The following PKD2L2 variants were observed in gnomAD, a reference collection of about 807,000 sequenced individuals.
The protein encoded by PKD2L2 is polycystin 2 like 2, transient receptor potential cation channel, also known as polycystin-2-like protein 2.
A neutral mutation model predicts 83.9 loss-of-function variants in PKD2L2; 67 were observed. The ratio of observed to expected loss-of-function variants is 0.80; its 90% CI spans 0.66 to 0.98. The LOEUF is 0.98. PKD2L2 is among the 50% of genes least tolerant of loss of function. PKD2L2 has a pLI of 0.00. For synonymous variants in PKD2L2, 223 were observed against 237.8 expected, an observed-to-expected ratio of 0.94 and a Z score of 0.57; for missense variants, 632 against 717.2, an observed-to-expected ratio of 0.88 and a Z score of 1.36.
In PKD2L2 at chr5:137,901,131, T is replaced by C. The variant is rs1473611306; in HGVS notation, c.746+1394T>C. Among the ~76,000 whole-genome samples the C allele has an allele frequency of 4.1e-5, 6 of 145,184 alleles. No homozygotes were observed. In the East Asian group the frequency reaches 1.2e-3, roughly 29 times the overall value. On this transcript the variant is annotated intron_variant, in intron 5 of 14. Coordinates refer to ENST00000508883, the MANE Select transcript of PKD2L2 (RefSeq NM_001300921.2). ...AGCCTGGACAACAAGAGCAAAACTG[T>C]GTCTCAAAAAAAAAAAAAGAAAGAA...
intron 4 of PKD2L2, 30 bp downstream of exon 4, chr5:137,894,639 T>C: frequency 6.5e-7 from 1 of 1,544,302 alleles, no homozygotes; most frequent in Non-Finnish European, 8.9e-7. Flanking sequence ...ACTGTAACTT[T>C]TTCTAGCATT....
intron 12 of PKD2L2, among the ~76,000 whole-genome samples, chr5:137,926,707 C>T (rs1477898126): frequency 6.6e-6 from 1 of 152,166 alleles, no homozygotes; most frequent in Non-Finnish European, 1.5e-5. Flanking sequence ...CCTTCGAGGT[C>T]TCGCTAATTC....
chr5:137,908,713 G>C (rs1757563206), intron 7 of PKD2L2, 52 bp from the exon 8 acceptor site: 1 of 839,204 alleles, frequency 1.2e-6, no homozygotes, highest in African/African-American at 1.8e-5. Context: ...TTTATTCTAA[G>C]TAATTTCATC....
At chr5:137,893,514 G>T (rs1756175454) in intron 3 of PKD2L2, among the ~76,000 whole-genome samples, 1 of 152,180 alleles carries the variant, frequency 6.6e-6, no homozygotes, top group Non-Finnish European at 1.5e-5. Context: ...CGCTTCCAGT[G>T]GTGATGACAA....
chr5:137,935,953 T>A (rs748324728), intron 13 of PKD2L2, 44 bp downstream of exon 13: 3 of 1,063,604 alleles, frequency 2.8e-6, no homozygotes, highest in Middle Eastern at 4.1e-4. Context: ...TATCATGACA[T>A]GCGCATTAAG....
chr5:137,917,500 A>C (rs556877366), intron 8 of PKD2L2, among the ~76,000 whole-genome samples: 6 of 152,192 alleles, frequency 3.9e-5, no homozygotes, highest in African/African-American at 1.4e-4. Flanking sequence ...AGACTCAATA[A>C]TGTCAATTAT....
intron 12 of PKD2L2, among the ~76,000 whole-genome samples, chr5:137,933,099 A>G (rs1760018616): frequency 6.6e-6 from 1 of 151,988 alleles, no homozygotes; most frequent in African/African-American, 2.4e-5. Context: ...TCCTGCAAAT[A>G]CTGGCAGAAT....
intron 12 of PKD2L2, among the ~76,000 whole-genome samples, chr5:137,926,535 T>C (rs116015187): frequency 0.011 from 1,729 of 152,280 alleles, 26 homozygotes; most frequent in African/African-American, 0.04. Context: ...AGGTGAACTT[T>C]GTGGTGCTGG....
chr5:137,936,555 A>G (rs1760431915), intron 14 of PKD2L2, 128 bp downstream of exon 14: 1 of 617,348 alleles, frequency 1.6e-6, no homozygotes, highest in Admixed American at 3.0e-5. Flanking sequence ...TCCCGGGTTC[A>G]AGCGATTCTC....
At chr5:137,922,451 T>C (rs1394988821) in intron 9 of PKD2L2, among the ~76,000 whole-genome samples, 1 of 152,106 alleles carries the variant, frequency 6.6e-6, no homozygotes, top group Non-Finnish European at 1.5e-5. Flanking sequence ...ACAACAAACA[T>C]CCTTGGCTGG....
chr5:137,897,044 ATT>A (rs1164377015), intron 4 of PKD2L2, among the ~76,000 whole-genome samples: 1 of 140,858 alleles, frequency 7.1e-6, no homozygotes, highest in Non-Finnish European at 1.5e-5. Flanking sequence ...TATTATTATT[ATT>A]ATTATTATTA....
chr5:137,937,862 G>A (rs545563391), intron 14 of PKD2L2: 1 of 151,688 alleles, frequency 6.6e-6, no homozygotes, highest in Non-Finnish European at 1.5e-5. Flanking sequence ...ATCGCCCCTG[G>A]GTGGGATCAT....
intron 3 of PKD2L2, among the ~76,000 whole-genome samples, chr5:137,893,207 G>C (rs1387063448): frequency 6.6e-6 from 1 of 151,942 alleles, no homozygotes; most frequent in African/African-American, 2.4e-5. Flanking sequence ...TTCTTTAATT[G>C]CCCAGAAAGT....
At chr5:137,915,390 TAATTTTA>T (rs1180722658) in intron 8 of PKD2L2, among the ~76,000 whole-genome samples, 5 of 150,626 alleles carry the variant, frequency 3.3e-5, no homozygotes, top group Admixed American at 1.3e-4. Flanking sequence ...GGGAGGTTTT[TAATTTTA>T]AATTTTAATT....
intron 6 of PKD2L2, among the ~76,000 whole-genome samples, chr5:137,907,100 A>T (rs1267184559): frequency 6.6e-6 from 1 of 152,210 alleles, no homozygotes. Flanking sequence ...TTGGCCCTTA[A>T]TTATAGCCAA....
chr5:137,899,651 GA>G lies in PKD2L2; in HGVS notation c.662del (p.Asn221ThrfsTer22), dbSNP rs755296619. 2.5e-6 allele frequency: 4 copies of G among 1,613,186 alleles called. No homozygotes were observed. The African/African-American group carries it at 5.3e-5, about 22-fold the overall frequency. On this transcript the variant is annotated frameshift_variant, in exon 5 of 15. Transcript: ENST00000508883. LOFTEE classifies it high-confidence loss of function. ...AAAACAAGTTCATTGACCTTCGACTGAACAGCTGGATCACAAGAGGGACTAG... is the reference window on the plus strand; with the variant it reads ...AAAACAAGTTCATTGACCTTCGACTGACAGCTGGATCACAAGAGGGACTAG... The part of the protein sequence containing the change: ...TKNKFIDLRL[N>X]SWITRGTRVI...
At chr5:137,894,086 G>A (rs915034880) in intron 3 of PKD2L2, among the ~76,000 whole-genome samples, 1 of 152,062 alleles carries the variant, frequency 6.6e-6, no homozygotes, top group South Asian at 2.1e-4. Context: ...GAAAATTTTC[G>A]ATTTACTCAT....
chr5:137,942,664 G>T lies in PKD2L2; in HGVS notation c.*298G>T, dbSNP rs1762208902. 1 of 523,368 alleles carries T rather than the reference G, an allele frequency of 1.9e-6. No individual in the cohort carries two copies. Among genetic ancestry groups the T allele is most frequent in the Non-Finnish European group, 3.2e-6 (1 of 309,280 alleles). The allele number at this position is 523,368 out of a possible 1,614,324, so 32.4% of individuals were successfully genotyped here. On this transcript the variant is annotated 3_prime_UTR_variant, in exon 15 of 15. Transcript: ENST00000508883. Reference sequence around the variant, plus strand: ...AGGCATGAGCCACTGTGCCTGGCTAGATTTTTTTTTAATTTTTGAAATACA... The same window carrying T: ...AGGCATGAGCCACTGTGCCTGGCTATATTTTTTTTTAATTTTTGAAATACA...
chr5:137,934,537 G>A (rs770564677), intron 12 of PKD2L2, among the ~76,000 whole-genome samples: 1 of 152,102 alleles, frequency 6.6e-6, no homozygotes, highest in Non-Finnish European at 1.5e-5. Flanking sequence ...GGCTGGGCGC[G>A]GTGGCTCGCA....
Sources: allele counts gnomAD v4.1 joint callset (sites outside exome capture counted in the v4.1 genomes callset), GRCh38; gene constraint gnomAD v4.1.1; transcripts MANE v1.5; gene names NCBI Gene and HGNC (gene_info 2026-07-23, HGNC 2026-07-21).